KCNMA1: variants seen among roughly 807,000 people sequenced by gnomAD.
KCNMA1 encodes the protein Calcium-activated potassium channel subunit alpha-1.
KCNMA1 carries 29 observed loss-of-function variants against 140.0 expected under a neutral mutation model. That is an observed-to-expected ratio of 0.21 (90% CI 0.15 to 0.28). The LOEUF is 0.28. Ranked by LOEUF, KCNMA1 falls within the 10% of genes least tolerant of loss-of-function variation. The pLI is 1.00. For synonymous variants in KCNMA1, 612 were observed against 611.9 expected, an observed-to-expected ratio of 1.00 and a Z score of 0.00; for missense variants, 880 against 1,602.2, an observed-to-expected ratio of 0.55 and a Z score of 7.70.
intron 3 of KCNMA1, among the ~76,000 whole-genome samples, chr10:77,232,544 T>G (rs1278089701): frequency 1.3e-5 from 2 of 152,260 alleles, no homozygotes; most frequent in East Asian, 3.8e-4. Flanking sequence ...GCTTCTTGAC[T>G]ATTTGTATAT....
At chr10:77,002,645 T>A (rs1223528698) in intron 18 of KCNMA1, among the ~76,000 whole-genome samples, 2 of 152,218 alleles carry the variant, frequency 1.3e-5, no homozygotes. Flanking sequence ...AACTGAGTGG[T>A]AACCTATAAA....
intron 1 of KCNMA1, among the ~76,000 whole-genome samples, chr10:77,596,014 G>A (rs1026797951): frequency 2.6e-5 from 4 of 152,132 alleles, no homozygotes; most frequent in African/African-American, 9.7e-5. Context: ...GCCATGCTGG[G>A]CCACATAAGA....
At chr10:76,928,372 C>G (rs561470569) in intron 23 of KCNMA1, among the ~76,000 whole-genome samples, 2 of 151,936 alleles carry the variant, frequency 1.3e-5, no homozygotes, top group Admixed American at 6.6e-5. Context: ...GAAGAGACTT[C>G]CTGCCTCCAT....
At chr10:77,057,117 C>T (rs923158434) in intron 14 of KCNMA1, among the ~76,000 whole-genome samples, 3 of 152,000 alleles carry the variant, frequency 2.0e-5, no homozygotes, top group Non-Finnish European at 4.4e-5. Flanking sequence ...AGAATAATGC[C>T]TAGACACATT....
Position 76,885,326 on chromosome 10 carries a change from A to T in KCNMA1, c.*1940T>A. On this transcript the variant is annotated 3_prime_UTR_variant, in exon 28 of 28. Coordinates refer to ENST00000286628, the MANE Select transcript of KCNMA1 (RefSeq NM_001161352.2). ...ATATAGAGGGACAAAAATAATTTGAAAAAATTCTTCCACTCATAGGGCTTG... is the reference window on the plus strand; with the variant it reads ...ATATAGAGGGACAAAAATAATTTGATAAAATTCTTCCACTCATAGGGCTTG... The T allele has an allele frequency of 1.0e-6, 1 of 974,742 alleles. No homozygotes were observed. The highest frequency in any genetic ancestry group is 1.2e-6 in the Non-Finnish European group (1 of 820,920). 60.4% of individuals were successfully genotyped at this position (974,742 alleles called of 1,614,324 possible).
At chr10:76,890,409 G>C (rs1411711446) in intron 26 of KCNMA1, among the ~76,000 whole-genome samples, 1 of 152,126 alleles carries the variant, frequency 6.6e-6, no homozygotes, top group Non-Finnish European at 1.5e-5. Flanking sequence ...TCATACCAAA[G>C]AACACTGATG....
chr10:77,605,593 C>A (rs2084204507), intron 1 of KCNMA1, among the ~76,000 whole-genome samples: 1 of 152,202 alleles, frequency 6.6e-6, no homozygotes, highest in African/African-American at 2.4e-5. Context: ...AGGCAGCCTC[C>A]CTCCTCTGCT....
At chr10:77,309,922 G>C (rs536473889) in intron 2 of KCNMA1, among the ~76,000 whole-genome samples, 1 of 152,320 alleles carries the variant, frequency 6.6e-6, no homozygotes, top group African/African-American at 2.4e-5. Flanking sequence ...TCAGCCAACA[G>C]CTCAATCAGC....
intron 1 of KCNMA1, among the ~76,000 whole-genome samples, chr10:77,559,482 C>A (rs996128320): frequency 2.0e-5 from 3 of 152,192 alleles, no homozygotes; most frequent in Admixed American, 2.0e-4. Flanking sequence ...AACCCAAACA[C>A]CTCACTAGTA....
At chr10:76,944,674 C>A in intron 23 of KCNMA1, 99 bp downstream of exon 23, 1 of 1,134,700 alleles carries the variant, frequency 8.8e-7, no homozygotes, top group Non-Finnish European at 1.3e-6. Context: ...GCCAGGCAGG[C>A]TGATGTGAGC....
At chr10:77,603,180 C>T (rs1441640016) in intron 1 of KCNMA1, among the ~76,000 whole-genome samples, 1 of 152,232 alleles carries the variant, frequency 6.6e-6, no homozygotes, top group African/African-American at 2.4e-5. Context: ...CACATCCCCC[C>T]TGGTGCCCTC....
At chr10:77,543,798 G>A (rs1266971837) in intron 1 of KCNMA1, among the ~76,000 whole-genome samples, 1 of 152,098 alleles carries the variant, frequency 6.6e-6, no homozygotes, top group African/African-American at 2.4e-5. Context: ...GTAAAAATAA[G>A]CTATAATTAA....
At chr10:76,957,127 C>CAAAAAAA (rs569115924) in intron 20 of KCNMA1, among the ~76,000 whole-genome samples, 1 of 71,368 alleles carries the variant, frequency 1.4e-5, no homozygotes, top group Non-Finnish European at 2.5e-5. Context: ...GACTCTGTCT[C>CAAAAAAA]AAAAAAAAAA....
intron 1 of KCNMA1, among the ~76,000 whole-genome samples, chr10:77,407,047 C>G (rs758948071): frequency 6.6e-6 from 1 of 152,182 alleles, no homozygotes; most frequent in East Asian, 1.9e-4. Context: ...GCCCTCTTAC[C>G]TATTGTTTTA....
At chr10:77,001,722 G>T in intron 18 of KCNMA1, 142 bp from the exon 19 acceptor site, 1 of 658,852 alleles carries the variant, frequency 1.5e-6, no homozygotes, top group Non-Finnish European at 2.5e-6. Flanking sequence ...AGAAAAAAAT[G>T]CAGAGTGATT....
chr10:77,099,418 T>C (rs1595913330), intron 9 of KCNMA1, among the ~76,000 whole-genome samples: 1 of 152,160 alleles, frequency 6.6e-6, no homozygotes, highest in East Asian at 1.9e-4. Flanking sequence ...CATACTTGCA[T>C]AGGCCCCAGC....
intron 5 of KCNMA1, among the ~76,000 whole-genome samples, chr10:77,133,878 T>C (rs2097917108): frequency 1.3e-5 from 2 of 152,016 alleles, no homozygotes; most frequent in African/African-American, 4.8e-5. Context: ...AAATCTAAAA[T>C]GCAAAAATCA....
intron 23 of KCNMA1, among the ~76,000 whole-genome samples, chr10:76,924,647 T>G (rs1031369722): frequency 6.6e-6 from 1 of 152,146 alleles, no homozygotes; most frequent in Admixed American, 6.6e-5. Flanking sequence ...TCCACTTGAT[T>G]TGGCAGTTAA....
chr10:77,117,536 T>C (rs537427680), intron 6 of KCNMA1, among the ~76,000 whole-genome samples: 2 of 32,468 alleles, frequency 6.2e-5, no homozygotes, highest in Non-Finnish European at 1.1e-4. Context: ...CAAGAGTCTA[T>C]CTCAAAAAAA....
Sources: gnomAD v4.1 joint callset for allele counts (sites outside exome capture counted in the v4.1 genomes callset) on GRCh38, gnomAD v4.1.1 for gene constraint, MANE v1.5 for transcripts, NCBI Gene and HGNC (gene_info 2026-07-23, HGNC 2026-07-21) for gene names.